PDHX: variants seen among roughly 807,000 people sequenced by gnomAD.
The protein encoded by PDHX is pyruvate dehydrogenase protein X component, mitochondrial.
PDHX carries 33 observed loss-of-function variants against 55.3 expected under a neutral mutation model. The observed-to-expected ratio is 0.60, with a 90% confidence interval of 0.45 to 0.80. The LOEUF (loss-of-function observed/expected upper bound fraction) is 0.80, where lower values mean the gene tolerates loss of function less well. Among genes scored for constraint, PDHX ranks in the 30% least tolerant of loss-of-function variants. PDHX has a pLI of 0.00. For synonymous variants in PDHX, 226 were observed against 219.4 expected, an observed-to-expected ratio of 1.03 and a Z score of -0.27; for missense variants, 622 against 619.9, an observed-to-expected ratio of 1.00 and a Z score of -0.04.
chr11:34,931,322 C>G (rs187125934), intron 1 of PDHX, 82 bp from the exon 2 acceptor site: 5 of 775,124 alleles, frequency 6.5e-6, no homozygotes, highest in Middle Eastern at 4.7e-4. Context: ...TTGAATTTGA[C>G]GTTAATTTAC....
At chr11:34,990,474 TTAG>T (rs1398084773) in intron 9 of PDHX, among the ~76,000 whole-genome samples, 1 of 152,220 alleles carries the variant, frequency 6.6e-6, no homozygotes, top group Non-Finnish European at 1.5e-5. Context: ...GTTTTTGTTT[TTAG>T]TATGTGTGCG....
chr11:34,984,399 A>G (rs1445020181), intron 8 of PDHX, among the ~76,000 whole-genome samples, 171 bp from the exon 9 acceptor site: 1 of 152,238 alleles, frequency 6.6e-6, no homozygotes, highest in Non-Finnish European at 1.5e-5. Flanking sequence ...CTTGGCAAAC[A>G]TAAAAGATAA....
At chr11:34,950,740 G>A (rs1476733741) in intron 3 of PDHX, among the ~76,000 whole-genome samples, 8 of 150,258 alleles carry the variant, frequency 5.3e-5, no homozygotes, top group Admixed American at 6.6e-5. Context: ...ATTCCATGGT[G>A]TATATGTGCC....
At chr11:34,918,144 T>A (rs1437453533) in intron 1 of PDHX, among the ~76,000 whole-genome samples, 1 of 151,986 alleles carries the variant, frequency 6.6e-6, no homozygotes, top group Non-Finnish European at 1.5e-5. Context: ...CCATAAATGG[T>A]CACACACAAA....
intron 2 of PDHX, among the ~76,000 whole-genome samples, chr11:34,937,522 G>A (rs939308099): frequency 2.0e-5 from 3 of 150,788 alleles, no homozygotes; most frequent in African/African-American, 7.3e-5. Context: ...ATTTGAATAT[G>A]GTAAGATTTG....
At chr11:34,958,640 T>C (rs1388611196) in intron 4 of PDHX, among the ~76,000 whole-genome samples, 4 of 152,212 alleles carry the variant, frequency 2.6e-5, no homozygotes, top group Admixed American at 2.6e-4. Flanking sequence ...TAGTGCAGTG[T>C]TTCTGACTCT....
At chr11:34,958,753 G>A (rs1356248924) in intron 4 of PDHX, among the ~76,000 whole-genome samples, 1 of 152,170 alleles carries the variant, frequency 6.6e-6, no homozygotes, top group Non-Finnish European at 1.5e-5. Flanking sequence ...CCCTTGCAAA[G>A]ATAATAATAG....
At chr11:34,931,506 G>A (rs377121385) in intron 2 of PDHX, 22 bp downstream of exon 2, 164 of 1,334,194 alleles carry the variant, frequency 1.2e-4, no homozygotes, top group Non-Finnish European at 3.5e-5. Flanking sequence ...CCTTCCTAAT[G>A]TCCTGTGTGC....
At chr11:34,947,676 T>G in intron 3 of PDHX, 70 bp downstream of exon 3, 1 of 1,009,592 alleles carries the variant, frequency 9.9e-7, no homozygotes, top group South Asian at 1.3e-5. Flanking sequence ...TGTAGTAAAA[T>G]TACCTTTTAT....
At chr11:34,952,792 G>T (rs1439820243) in intron 3 of PDHX, among the ~76,000 whole-genome samples, 1 of 149,026 alleles carries the variant, frequency 6.7e-6, no homozygotes, top group Non-Finnish European at 1.5e-5. Flanking sequence ...AGACAGGGAT[G>T]CCCTCTCTCA....
chr11:34,932,196 C>G (rs1215890739), intron 2 of PDHX, among the ~76,000 whole-genome samples: 1 of 152,094 alleles, frequency 6.6e-6, no homozygotes, highest in Non-Finnish European at 1.5e-5. Flanking sequence ...TTGAATTCCT[C>G]TGAACCCGGA....
intron 2 of PDHX, among the ~76,000 whole-genome samples, chr11:34,935,848 G>A (rs1258323205): frequency 1.3e-5 from 2 of 152,188 alleles, no homozygotes; most frequent in Admixed American, 1.3e-4. Flanking sequence ...CCAGAGACTA[G>A]CCCTGGCAAG....
chr11:34,963,904 T>A (rs1477341334), intron 5 of PDHX, among the ~76,000 whole-genome samples: 1 of 152,196 alleles, frequency 6.6e-6, no homozygotes, highest in Non-Finnish European at 1.5e-5. Context: ...GTGTCCTAAA[T>A]CATAGTTGTA....
chr11:34,943,174 G>A (rs1033158376), intron 2 of PDHX, among the ~76,000 whole-genome samples: 5 of 152,156 alleles, frequency 3.3e-5, no homozygotes, highest in African/African-American at 7.2e-5. Flanking sequence ...TTGTGAAGAA[G>A]CTCATAGTCT....
intron 2 of PDHX, among the ~76,000 whole-genome samples, chr11:34,935,030 G>A (rs1007306180): frequency 6.6e-6 from 1 of 152,070 alleles, no homozygotes; most frequent in African/African-American, 2.4e-5. Context: ...CCCTGGTTGA[G>A]GTTGAGAGGG....
chr11:34,926,392 A>C (rs1187918909), intron 1 of PDHX, among the ~76,000 whole-genome samples: 2 of 152,192 alleles, frequency 1.3e-5, no homozygotes, highest in Non-Finnish European at 1.5e-5. Context: ...ATTAGAGAAG[A>C]AGCAAATTAA....
Position 34,916,647 on chromosome 11 carries a change from G to A in PDHX, c.-9G>A. 2 of 1,606,910 alleles carry A rather than the reference G, an allele frequency of 1.2e-6. No homozygotes were observed. Among genetic ancestry groups the A allele is most frequent in the Non-Finnish European group, 1.7e-6 (2 of 1,179,918 alleles). ...TGTGCTGCGGGCAGCCAGTGAGAAG[G>A]CCGTCAAGATGGCGGCCTCCTGGAG... is the stretch of plus-strand genomic sequence containing the variant. On this transcript the variant is annotated 5_prime_UTR_variant, in exon 1 of 11. Transcript: ENST00000227868.
At chr11:34,940,118 T>C (rs139582500) in intron 2 of PDHX, among the ~76,000 whole-genome samples, 145 of 152,338 alleles carry the variant, frequency 9.5e-4, no homozygotes, top group African/African-American at 3.0e-3. Context: ...TTGTTTTTTT[T>C]CCTCAGAATA....
chr11:34,968,819 G>A (rs1485162149), intron 6 of PDHX, among the ~76,000 whole-genome samples: 1 of 151,958 alleles, frequency 6.6e-6, no homozygotes, highest in African/African-American at 2.4e-5. Context: ...TGTGTTTAGA[G>A]AATACACTTT....
Sources: gnomAD v4.1 joint callset for allele counts (sites outside exome capture counted in the v4.1 genomes callset) on GRCh38, gnomAD v4.1.1 for gene constraint, MANE v1.5 for transcripts, NCBI Gene and HGNC (gene_info 2026-07-23, HGNC 2026-07-21) for gene names.